PRELID2: variants seen among roughly 807,000 people sequenced by gnomAD.
PRELID2 encodes the protein PRELI domain-containing protein 2.
Under a neutral mutation model 28.4 loss-of-function variants are expected in PRELID2, and 25 were observed. The observed-to-expected ratio is 0.88, with a 90% CI of 0.64 to 1.23. The LOEUF (loss-of-function observed/expected upper bound fraction) is 1.23. PRELID2 is among the 50% of genes most tolerant of loss of function. PRELID2 has a pLI of 0.00. For synonymous variants in PRELID2, 76 were observed against 71.6 expected, an observed-to-expected ratio of 1.06 and a Z score of -0.31; for missense variants, 201 against 214.4, an observed-to-expected ratio of 0.94 and a Z score of 0.39.
At chr5:145,726,253 G>A (rs1756151194) in intron 1 of PRELID2, among the ~76,000 whole-genome samples, 1 of 120,950 alleles carries the variant, frequency 8.3e-6, no homozygotes, top group African/African-American at 3.1e-5. Flanking sequence ...GGGAGGGAGG[G>A]AGGGACGGAG....
chr5:145,644,675 C>A (rs541178386), intron 1 of PRELID2, among the ~76,000 whole-genome samples: 1 of 152,102 alleles, frequency 6.6e-6, no homozygotes, highest in Non-Finnish European at 1.5e-5. Flanking sequence ...TCCCTTTATG[C>A]GTTGCTTTAA....
the PRELID2 span, among the ~76,000 whole-genome samples, chr5:145,299,812 C>T: frequency 6.6e-6 from 1 of 151,936 alleles, no homozygotes; most frequent in Admixed American, 6.6e-5. Context: ...GCCATTTCTT[C>T]CTCATTAACT....
chr5:145,713,079 A>T (rs1755739292), intron 1 of PRELID2, among the ~76,000 whole-genome samples: 1 of 151,916 alleles, frequency 6.6e-6, no homozygotes. Context: ...TAGATTAACA[A>T]ACATATAACT....
intron 1 of PRELID2, among the ~76,000 whole-genome samples, chr5:145,476,594 G>A (rs950450478): frequency 1.2e-4 from 18 of 151,958 alleles, no homozygotes; most frequent in East Asian, 1.9e-4. Flanking sequence ...ACAGTGAGCC[G>A]AGATTGCGCC....
chr5:145,628,984 G>T (rs564014880), intron 1 of PRELID2, among the ~76,000 whole-genome samples: 1 of 152,330 alleles, frequency 6.6e-6, no homozygotes, highest in South Asian at 2.1e-4. Flanking sequence ...GGGCAAGGAA[G>T]GTGGTTTGAA....
the PRELID2 span, among the ~76,000 whole-genome samples, chr5:145,310,588 T>C: frequency 6.6e-6 from 1 of 152,220 alleles, no homozygotes; most frequent in Non-Finnish European, 1.5e-5. Context: ...TTTTAGTTCA[T>C]GATATCAGGC....
At chr5:145,813,637 GTTATTTAA>G (rs1421056942) in intron 4 of PRELID2, among the ~76,000 whole-genome samples, 7 of 152,164 alleles carry the variant, frequency 4.6e-5, no homozygotes, top group African/African-American at 1.7e-4. Context: ...CCTTGGGCAA[GTTATTTAA>G]CCTAAGCCTC....
intron 1 of PRELID2, among the ~76,000 whole-genome samples, chr5:145,566,969 C>A (rs1467959095): frequency 2.0e-5 from 3 of 151,718 alleles, no homozygotes; most frequent in South Asian, 2.1e-4. Flanking sequence ...CTATAATAAA[C>A]ATGTATTATT....
chr5:145,258,930 C>T, the PRELID2 span, among the ~76,000 whole-genome samples: 1 of 152,088 alleles, frequency 6.6e-6, no homozygotes, highest in Non-Finnish European at 1.5e-5. Flanking sequence ...TGTACCAGGC[C>T]CAGGGCCCTG....
the PRELID2 span, among the ~76,000 whole-genome samples, chr5:145,264,192 C>CA: frequency 3.5e-4 from 53 of 151,552 alleles, no homozygotes; most frequent in African/African-American, 9.7e-4. Flanking sequence ...AAGGACATAA[C>CA]AAAAAAAACA....
chr5:145,378,051 C>T, the PRELID2 span, among the ~76,000 whole-genome samples: 161 of 152,220 alleles, frequency 1.1e-3, 1 homozygote, highest in African/African-American at 3.7e-3. Context: ...ATTTATGAAG[C>T]TTAGTTTGAC....
At chr5:145,817,409 A>G (rs1554099415) in intron 4 of PRELID2, among the ~76,000 whole-genome samples, 1 of 133,634 alleles carries the variant, frequency 7.5e-6, no homozygotes, top group African/African-American at 2.9e-5. Context: ...GCAATAAAGG[A>G]ATAAGCTAGT....
At chr5:145,369,866 T>C in the PRELID2 span, among the ~76,000 whole-genome samples, 2 of 152,172 alleles carry the variant, frequency 1.3e-5, 1 homozygote, top group Non-Finnish European at 2.9e-5. Context: ...ATTCCTCTAA[T>C]GACCAGTGAT....
exon 3 of PRELID2, chr5:145,472,009 G>A (rs552269531): frequency 6.6e-6 from 1 of 152,224 alleles, no homozygotes; most frequent in South Asian, 2.1e-4. Context: ...ATTCTGCTGA[G>A]GATTCAGTTC....
At chr5:145,409,459 T>C in the PRELID2 span, among the ~76,000 whole-genome samples, 3 of 152,088 alleles carry the variant, frequency 2.0e-5, no homozygotes, top group South Asian at 2.1e-4. Flanking sequence ...CAACCAAGTA[T>C]CTGCTGTCAT....
At chr5:145,461,535 C>A in the PRELID2 span, among the ~76,000 whole-genome samples, 1 of 152,194 alleles carries the variant, frequency 6.6e-6, no homozygotes, top group Non-Finnish European at 1.5e-5. Flanking sequence ...ATCTCCTGAC[C>A]TTGTGATCTG....
Position 145,817,903 on chromosome 5 carries a change from T to A in PRELID2, c.359A>T (p.Asn120Ile). ...EESVFRESME[N>I]PNWTEFIQRG... ...TACACACGAGTCTTACCAATTTGGG[T>A]TTTCCATACTTTCCCGGAAGACAGA... Residue 120 changes from asparagine (N) to isoleucine (I), a missense_variant, in exon 4 of 7, where the codon AAC becomes ATC. By Grantham distance (149) the Asn-to-Ile change is moderately radical. Coordinates refer to ENST00000683046, the MANE Select transcript of PRELID2 (RefSeq NM_205846.3). The A allele has an allele frequency of 6.5e-7, 1 of 1,545,178 alleles. No homozygotes were observed. Among genetic ancestry groups the A allele is most frequent in the Non-Finnish European group, 8.7e-7 (1 of 1,148,758 alleles).
At chr5:145,742,071 TATACGTA>T (rs1402308299) in intron 1 of PRELID2, among the ~76,000 whole-genome samples, 1 of 37,180 alleles carries the variant, frequency 2.7e-5, no homozygotes, top group Non-Finnish European at 6.4e-5. Context: ...TATTTATAAT[TATACGTA>T]ATTATATATT....
At chr5:145,453,339 A>T in the PRELID2 span, among the ~76,000 whole-genome samples, 1 of 152,184 alleles carries the variant, frequency 6.6e-6, no homozygotes, top group South Asian at 2.1e-4. Context: ...TTCAAAACTC[A>T]CATTCATCAG....
Sources: gnomAD v4.1 joint callset for allele counts (sites outside exome capture counted in the v4.1 genomes callset) on GRCh38, gnomAD v4.1.1 for gene constraint, MANE v1.5 for transcripts, NCBI Gene and HGNC (gene_info 2026-07-23, HGNC 2026-07-21) for gene names.